KDM4C: variants seen among roughly 807,000 people sequenced by gnomAD.
The protein encoded by KDM4C is lysine-specific demethylase 4C.
In KDM4C, 81 loss-of-function variants were observed where a neutral mutation model predicts 129.3. That is an observed-to-expected ratio of 0.63 (90% confidence interval 0.52 to 0.75). KDM4C has a LOEUF of 0.75. KDM4C is among the 30% of genes least tolerant of loss of function. The pLI, the probability that KDM4C is intolerant of heterozygous loss-of-function variation, is 0.00. For synonymous variants in KDM4C, 573 were observed against 456.1 expected (o/e 1.26, Z -3.26); for missense variants, 1,457 against 1,304.0 (o/e 1.12, Z -1.81).
At chr9:7,068,858 A>G (rs1156342873) in intron 17 of KDM4C, among the ~76,000 whole-genome samples, 3 of 151,532 alleles carry the variant, frequency 2.0e-5, no homozygotes, top group East Asian at 3.9e-4. Flanking sequence ...CACCACGCCC[A>G]GCTAGTTTTT....
In KDM4C at chr9:6,777,725, T is replaced by C. The variant is rs181266995; in HGVS notation, c.-17-15247T>C. Among the ~76,000 whole-genome samples the C allele has an allele frequency of 2.5e-3, 378 of 151,530 alleles. 2 individuals carry two copies. Among genetic ancestry groups the C allele is most frequent in the African/African-American group, 8.8e-3 (365 of 41,268 alleles). On this transcript the variant is annotated intron_variant, in intron 1 of 21. Coordinates refer to ENST00000381309, the MANE Select transcript of KDM4C (RefSeq NM_015061.6). ...TGGTTCACCGCAACCTCCACCTGCT[T>C]CCACCATGTTTGGCTAATCAAATGT...
At chr9:7,105,411 C>A (rs1383666969) in intron 18 of KDM4C, 1 of 470,416 alleles carries the variant, frequency 2.1e-6, no homozygotes, top group African/African-American at 2.0e-5. Context: ...GTTCACAGCA[C>A]AGAGTAAGCA....
At chr9:6,733,042 G>A (rs1212277514) in intron 1 of KDM4C, among the ~76,000 whole-genome samples, 1 of 152,112 alleles carries the variant, frequency 6.6e-6, no homozygotes, top group Non-Finnish European at 1.5e-5. Flanking sequence ...GTACCACCAC[G>A]TGGTTACAAG....
chr9:6,924,746 A>G, intron 8 of KDM4C: 1 of 983,732 alleles, frequency 1.0e-6, no homozygotes, highest in Non-Finnish European at 1.2e-6. Context: ...AGGAGTTTTT[A>G]TTAAACACAA....
At chr9:6,784,997 A>C (rs1825166878) in intron 1 of KDM4C, among the ~76,000 whole-genome samples, 1 of 152,218 alleles carries the variant, frequency 6.6e-6, no homozygotes, top group African/African-American at 2.4e-5. Context: ...GATAAAGCTA[A>C]GATTGGAGAA....
intron 2 of KDM4C, among the ~76,000 whole-genome samples, chr9:6,794,740 T>G (rs898369955): frequency 1.3e-5 from 2 of 152,042 alleles, no homozygotes; most frequent in African/African-American, 2.4e-5. Flanking sequence ...CAGATAATAT[T>G]CTTAAAAAAA....
At chr9:6,748,533 A>T (rs1314471164) in intron 1 of KDM4C, among the ~76,000 whole-genome samples, 1 of 151,812 alleles carries the variant, frequency 6.6e-6, no homozygotes, top group African/African-American at 2.4e-5. Context: ...AAGATTTATT[A>T]TTATTATTAG....
At chr9:7,115,213 T>C (rs1291617702) in intron 18 of KDM4C, among the ~76,000 whole-genome samples, 1 of 152,240 alleles carries the variant, frequency 6.6e-6, no homozygotes, top group East Asian at 1.9e-4. Flanking sequence ...TGGTTATTTA[T>C]TTATTTTTTT....
chr9:6,759,391 C>G (rs909391809), intron 1 of KDM4C, among the ~76,000 whole-genome samples: 1 of 152,118 alleles, frequency 6.6e-6, no homozygotes, highest in Non-Finnish European at 1.5e-5. Flanking sequence ...TTTTAAAGGT[C>G]CATTTTTTAT....
intron 17 of KDM4C, among the ~76,000 whole-genome samples, chr9:7,086,660 C>G (rs1385582046): frequency 1.3e-5 from 2 of 152,180 alleles, no homozygotes; most frequent in African/African-American, 4.8e-5. Flanking sequence ...ATTTTCTCCT[C>G]AGATAACTGC....
intron 18 of KDM4C, among the ~76,000 whole-genome samples, chr9:7,110,594 C>T (rs969662015): frequency 6.6e-6 from 1 of 152,142 alleles, no homozygotes; most frequent in Non-Finnish European, 1.5e-5. Flanking sequence ...CCTCTACGCG[C>T]TTGGATCCAC....
chr9:7,142,888 T>G (rs1841891993), intron 19 of KDM4C, among the ~76,000 whole-genome samples: 1 of 152,160 alleles, frequency 6.6e-6, no homozygotes, highest in African/African-American at 2.4e-5. Flanking sequence ...CACAATGTAT[T>G]CATTTGAATG....
At chr9:7,028,301 G>T (rs1305499186) in intron 15 of KDM4C, among the ~76,000 whole-genome samples, 3 of 151,866 alleles carry the variant, frequency 2.0e-5, no homozygotes, top group Non-Finnish European at 1.5e-5. Context: ...TTAGTCAGCA[G>T]ATGATGGGTC....
chr9:6,899,542 G>GGTGT (rs61209400), intron 8 of KDM4C, among the ~76,000 whole-genome samples: 3,301 of 150,096 alleles, frequency 0.022, 46 homozygotes, highest in Middle Eastern at 0.041. Flanking sequence ...TTTCCATGGG[G>GGTGT]GTGTGTGTGT....
chr9:6,899,751 G>T (rs1254330739), intron 8 of KDM4C, among the ~76,000 whole-genome samples: 2 of 152,124 alleles, frequency 1.3e-5, no homozygotes, highest in African/African-American at 4.8e-5. Context: ...CAGGTATGAT[G>T]GTATCAAACC....
At chr9:6,991,795 G>A (rs1040437046) in intron 12 of KDM4C, among the ~76,000 whole-genome samples, 1 of 152,160 alleles carries the variant, frequency 6.6e-6, no homozygotes, top group African/African-American at 2.4e-5. Flanking sequence ...CAGCTGCCTG[G>A]GAAGCAGAGG....
In KDM4C at chr9:6,792,979, C is replaced by T. The variant is rs1239118820; in HGVS notation, c.-10C>T. On this transcript the variant is annotated 5_prime_UTR_variant, in exon 2 of 22. Transcript: ENST00000381309. ...CTACTGTCTTCTCTCCAGACACTGC[C>T]CTAACCATCATGGAGGTGGCCGAGG... 2 of 1,613,960 alleles carry T rather than the reference C, an allele frequency of 1.2e-6. No individual in the cohort carries two copies. Among genetic ancestry groups the T allele is most frequent in the South Asian group, 1.1e-5 (1 of 91,074 alleles).
intron 16 of KDM4C, 122 bp downstream of exon 16, chr9:7,047,039 T>C (rs1829505955): frequency 5.8e-6 from 4 of 690,406 alleles, no homozygotes; most frequent in African/African-American, 1.8e-5. Context: ...GCTGCTCAGA[T>C]CTGAGGTTGG....
chr9:6,800,847 C>T (rs773251159), intron 2 of KDM4C, among the ~76,000 whole-genome samples: 1 of 152,136 alleles, frequency 6.6e-6, no homozygotes, highest in African/African-American at 2.4e-5. Context: ...AGGCTTGTCT[C>T]GAATTCCTGA....
Sources: allele counts gnomAD v4.1 joint callset (sites outside exome capture counted in the v4.1 genomes callset), GRCh38; gene constraint gnomAD v4.1.1; transcripts MANE v1.5; gene names NCBI Gene and HGNC (gene_info 2026-07-23, HGNC 2026-07-21).